DLGAP3: variants seen among roughly 807,000 people sequenced by gnomAD.
DLGAP3 encodes the protein disks large-associated protein 3.
Under a neutral mutation model 81.2 loss-of-function variants are expected in DLGAP3, and 17 were observed. The observed-to-expected ratio is 0.21, with a 90% CI of 0.14 to 0.31. The LOEUF (loss-of-function observed/expected upper bound fraction) is 0.31. Ranked by LOEUF, DLGAP3 falls within the 10% of genes least tolerant of loss-of-function variation. The pLI, the probability that DLGAP3 is intolerant of heterozygous loss-of-function variation, is 1.00. For synonymous variants in DLGAP3, 577 were observed against 587.4 expected (o/e 0.98, Z 0.26); for missense variants, 1,124 against 1,388.0 (o/e 0.81, Z 3.02).
chr1:34,874,259 ACT>A (rs1639018885), intron 8 of DLGAP3, among the ~76,000 whole-genome samples: 1 of 151,838 alleles, frequency 6.6e-6, no homozygotes, highest in South Asian at 2.1e-4. Context: ...ACCTCAACTA[ACT>A]CTCCCTGGAT....
At chr1:34,893,488 C>G (rs1334163948) in intron 5 of DLGAP3, among the ~76,000 whole-genome samples, 4 of 152,130 alleles carry the variant, frequency 2.6e-5, no homozygotes. Flanking sequence ...TGAGTAAATA[C>G]AAGAGCCTCT....
intron 1 of DLGAP3, among the ~76,000 whole-genome samples, chr1:34,914,348 G>C (rs1251135193): frequency 6.6e-6 from 1 of 152,176 alleles, no homozygotes; most frequent in African/African-American, 2.4e-5. Context: ...CTTAGGCTGT[G>C]CTGCCTTATC....
chr1:34,877,237 G>A (rs1361622113), intron 8 of DLGAP3, among the ~76,000 whole-genome samples: 2 of 152,190 alleles, frequency 1.3e-5, no homozygotes, highest in Non-Finnish European at 2.9e-5. Flanking sequence ...GAGACCCTGT[G>A]CGCAAAGTCG....
At chr1:34,911,465 T>C (rs1639638634) in intron 1 of DLGAP3, among the ~76,000 whole-genome samples, 1 of 152,136 alleles carries the variant, frequency 6.6e-6, no homozygotes, top group Non-Finnish European at 1.5e-5. Flanking sequence ...AAATCATCCA[T>C]CCACTATCCC....
chr1:34,865,726 A>G lies in DLGAP3; in HGVS notation c.*357T>C, dbSNP rs544617327. 702 of 311,992 alleles carry G rather than the reference A, an allele frequency of 2.3e-3. 10 individuals carry two copies. The highest frequency in any genetic ancestry group is 0.019 in the African/African-American group (644 of 33,790). The allele number at this position is 311,992 out of a possible 1,614,324, so 19.3% of individuals were successfully genotyped here. A position where few individuals can be genotyped will look rare whatever the true frequency, so the allele number is the denominator to read the frequency against. On this transcript the variant is annotated 3_prime_UTR_variant, in exon 12 of 12. Transcript: ENST00000373347. ...GAAGCCCAGCCCCGCGGGGTGGGGG[A>G]GGGGGGGACGCAGAGCCCAGATGAG...
Position 34,885,031 on chromosome 1 carries a change from G to C in DLGAP3, c.1947C>G (p.Asn649Lys), listed in dbSNP as rs143986097. ...VETISDSDTE[N>K]RSRREFHSIG... is the part of the protein sequence containing the mutation. ...TAGAGTGGAACTCCCTCCGGCTCCT[G>C]TTCTCGGTGTCCGAATCTGAGATCG... Residue 649 changes from asparagine to lysine, a missense_variant, in exon 8 of 12, where the codon AAC (asparagine) becomes AAG (lysine). Coordinates refer to ENST00000373347, the MANE Select transcript of DLGAP3 (RefSeq NM_001080418.3). The C allele has an allele frequency of 1.2e-6, 2 of 1,613,462 alleles. No homozygotes were observed. Among genetic ancestry groups the C allele is most frequent in the African/African-American group, 2.7e-5 (2 of 74,898 alleles).
Position 34,873,262 on chromosome 1 carries a change from C to T in DLGAP3, c.2001-4173G>A, listed in dbSNP as rs1639005516. Among the ~76,000 whole-genome samples, 1 of 152,098 alleles carries T rather than the reference C, an allele frequency of 6.6e-6. No homozygotes were observed. Among genetic ancestry groups the T allele is most frequent in the Non-Finnish European group, 1.5e-5 (1 of 68,030 alleles). On this transcript the variant is annotated intron_variant, in intron 8 of 11. Coordinates refer to ENST00000373347, the MANE Select transcript of DLGAP3 (RefSeq NM_001080418.3). The surrounding 1 kb of genome is among the most constrained non-coding windows in gnomAD (Gnocchi z 4.2). ...GTTTGGCTTGGAAGTGGACAGAAGT[C>T]CCACCAGTTGACCCCAATCATCACA... is the stretch of plus-strand genomic sequence containing the variant.
chr1:34,928,629 T>TG (rs1007183178), intron 1 of DLGAP3, among the ~76,000 whole-genome samples: 2 of 151,942 alleles, frequency 1.3e-5, no homozygotes, highest in African/African-American at 2.4e-5. Context: ...CCACCAGGAA[T>TG]GGGGGGACAG....
intron 5 of DLGAP3, among the ~76,000 whole-genome samples, chr1:34,894,847 C>T (rs1639360475): frequency 6.6e-6 from 1 of 152,062 alleles, no homozygotes; most frequent in Non-Finnish European, 1.5e-5. Flanking sequence ...ATAATAGAGA[C>T]TAATTTGACA....
Position 34,868,721 on chromosome 1 carries a change from G to A in DLGAP3, c.2369C>T (p.Pro790Leu). 6.2e-7 allele frequency: 1 copy of A among 1,610,196 alleles called. No homozygotes were observed. The highest frequency in any genetic ancestry group is 8.5e-7 in the Non-Finnish European group (1 of 1,179,954). The change falls in exon 9 of 12, where the codon CCC becomes CTC. Residue 790 changes from proline to leucine, a missense_variant. Around this residue, in one of 9 missense-constraint regions of DLGAP3, gnomAD observed 379 missense variants for 455.7 expected, o/e 0.83. Coordinates refer to ENST00000373347, the MANE Select transcript of DLGAP3 (RefSeq NM_001080418.3). This position sits in a 1 kb window ranked among gnomAD's most constrained non-coding sequence, Gnocchi z 7.5. ...RSLPDSGRAS[P>L]CPRDGEWFIK... ...GAACCACTCGCCGTCGCGTGGGCAGGGGGATGCGCGGCCTGAGTCGGGGAG... is the reference window on the plus strand; with the variant it reads ...GAACCACTCGCCGTCGCGTGGGCAGAGGGATGCGCGGCCTGAGTCGGGGAG...
chr1:34,902,036 G>A lies in DLGAP3; in HGVS notation c.1108-1763C>T, dbSNP rs1639468208. On this transcript the variant is annotated intron_variant, in intron 3 of 11. Coordinates refer to ENST00000373347, the MANE Select transcript of DLGAP3 (RefSeq NM_001080418.3). The surrounding 1 kb of genome is among the most constrained non-coding windows in gnomAD (Gnocchi z 4.4). ...GGTCCCAGCTTTTCCTATGAGCCAA[G>A]GAAGGGGACGAGGGTGGCTGGGAAT... Among the ~76,000 whole-genome samples the A allele has an allele frequency of 1.3e-5, 2 of 152,158 alleles. No individual in the cohort carries two copies.
chr1:34,886,383 C>A, intron 5 of DLGAP3, 98 bp from the exon 6 acceptor site: 1 of 1,169,516 alleles, frequency 8.6e-7, no homozygotes, highest in Non-Finnish European at 1.2e-6. Flanking sequence ...TCTATATCTG[C>A]AGAGGCTGTA....
chr1:34,920,278 C>T (rs975298138), intron 1 of DLGAP3, among the ~76,000 whole-genome samples: 4 of 152,180 alleles, frequency 2.6e-5, no homozygotes, highest in Non-Finnish European at 4.4e-5. Context: ...GCATCACTGA[C>T]AGGGTGGAAC....
chr1:34,886,332 G>A lies in DLGAP3; in HGVS notation c.1387-47C>T, dbSNP rs200883525. The A allele has an allele frequency of 2.5e-5, 37 of 1,505,768 alleles. No homozygotes were observed. The Middle Eastern group carries it at 5.3e-4, about 22-fold the overall frequency. 93.3% of individuals were successfully genotyped at this position (1,505,768 alleles called of 1,614,324 possible). A position where few individuals can be genotyped will look rare whatever the true frequency, so the allele number is the denominator to read the frequency against. ...GGACAGTTATAAGGTGCCGGGAGGG[G>A]GTGGAAGTCCCTGGGGTGCTCTGCC... On this transcript the variant is annotated intron_variant, in intron 5 of 11. Coordinates refer to ENST00000373347, the MANE Select transcript of DLGAP3 (RefSeq NM_001080418.3).
Position 34,929,435 on chromosome 1 carries a change from C to T in DLGAP3, c.-135+16G>A, listed in dbSNP as rs976155585. On this transcript the variant is annotated intron_variant, in intron 1 of 11. Coordinates refer to ENST00000373347, the MANE Select transcript of DLGAP3 (RefSeq NM_001080418.3). This position sits in a 1 kb window ranked among gnomAD's most constrained non-coding sequence, Gnocchi z 6.5. The stretch of plus-strand genomic sequence containing the variant: ...CCGCGAGCGCGGCCCCGTCCCCACT[C>T]CTCCCCGCGGCTTACCTGGCCCGGC... The T allele has an allele frequency of 6.1e-5, 9 of 148,236 alleles. No individual in the cohort carries two copies. Among genetic ancestry groups the T allele is most frequent in the African/African-American group, 1.9e-4 (8 of 41,126 alleles). 9.2% of individuals were successfully genotyped at this position (148,236 alleles called of 1,614,324 possible). A position where few individuals can be genotyped will look rare whatever the true frequency, so the allele number is the denominator to read the frequency against.
At chr1:34,893,772 A>C (rs1394437827) in intron 5 of DLGAP3, among the ~76,000 whole-genome samples, 2 of 152,254 alleles carry the variant, frequency 1.3e-5, no homozygotes. Context: ...ATAGTAAAAA[A>C]TTAACAAATA....
At chr1:34,914,842 G>A (rs1043044505) in intron 1 of DLGAP3, among the ~76,000 whole-genome samples, 5 of 152,184 alleles carry the variant, frequency 3.3e-5, no homozygotes, top group African/African-American at 1.2e-4. Flanking sequence ...GAAATGGGTG[G>A]TCTGAAAACT....
chr1:34,905,849 T>G (rs1639542884), intron 2 of DLGAP3, among the ~76,000 whole-genome samples: 1 of 151,192 alleles, frequency 6.6e-6, no homozygotes, highest in Admixed American at 6.6e-5. Context: ...ACAAAACAAT[T>G]TTTTAAATTA....
intron 1 of DLGAP3, among the ~76,000 whole-genome samples, chr1:34,914,034 GA>G (rs1639679540): frequency 6.6e-6 from 1 of 152,136 alleles, no homozygotes; most frequent in Non-Finnish European, 1.5e-5. Flanking sequence ...ATGCTGCAGA[GA>G]GAAAGAATGA....
Sources: allele counts gnomAD v4.1 joint callset (sites outside exome capture counted in the v4.1 genomes callset), GRCh38; gene constraint gnomAD v4.1.1; regional missense constraint gnomAD v4.1.1; non-coding constraint Gnocchi (gnomAD v3.1); transcripts MANE v1.5; gene names NCBI Gene and HGNC (gene_info 2026-07-23, HGNC 2026-07-21).